CCNJL: variants seen among roughly 807,000 people sequenced by gnomAD.
CCNJL encodes cyclin J like.
In CCNJL, 33 loss-of-function variants were observed where a neutral mutation model predicts 33.4. The observed-to-expected ratio is 0.99, with a 90% CI of 0.75 to 1.32. The LOEUF (loss-of-function observed/expected upper bound fraction) is 1.32. Among genes scored for constraint, CCNJL ranks in the 40% most tolerant of loss-of-function variants. CCNJL has a pLI of 0.00. For missense variants in CCNJL, 512 were observed against 499.7 expected (o/e 1.02, Z -0.23); for synonymous variants, 227 against 220.9 (o/e 1.03, Z -0.24).
At chr5:160,271,021 T>A (rs531824493) in intron 3 of CCNJL, among the ~76,000 whole-genome samples, 1 of 152,328 alleles carries the variant, frequency 6.6e-6, no homozygotes, top group South Asian at 2.1e-4. Context: ...GACACCACAA[T>A]GCTTGTAATT....
intron 4 of CCNJL, chr5:160,258,477 C>T: frequency 8.1e-7 from 1 of 1,232,290 alleles, no homozygotes; most frequent in Non-Finnish European, 1.2e-6. Flanking sequence ...AGCATCAGAT[C>T]TTGCCTAAAG....
chr5:160,289,369 G>C (rs1167669454), intron 2 of CCNJL, among the ~76,000 whole-genome samples: 9 of 152,126 alleles, frequency 5.9e-5, no homozygotes, highest in Admixed American at 5.9e-4. Flanking sequence ...TACATGGAGA[G>C]TGTTTTGAGG....
Position 160,259,599 on chromosome 5 carries a change from C to A in CCNJL, c.453G>T (p.Leu151=), listed in dbSNP as rs1761228364. ...TGACGGAGGCCAAGAGGTAGTAGTC[C>A]AGGAAGTGGGCAGGCGTGGGCAGGC... ...NLCLPTPAHF[L]DYYLLASVSQ... Residue 151 remains leucine, a synonymous_variant, in exon 4 of 6, where the codon CTG becomes CTT. Coordinates refer to ENST00000257536, the MANE Select transcript of CCNJL (RefSeq NM_001308173.3). The A allele has an allele frequency of 1.9e-6, 3 of 1,614,022 alleles. No individual in the cohort carries two copies. The highest frequency in any genetic ancestry group is 1.7e-6 in the Non-Finnish European group (2 of 1,180,042).
chr5:160,254,569 G>T (rs1333505673), intron 5 of CCNJL: 6 of 401,424 alleles, frequency 1.5e-5, no homozygotes, highest in Non-Finnish European at 2.6e-5. Flanking sequence ...CTCTCTTCAG[G>T]GGTCTAAGGG....
intron 3 of CCNJL, among the ~76,000 whole-genome samples, chr5:160,272,702 A>G (rs4921273): frequency 1.3e-5 from 2 of 152,116 alleles, no homozygotes; most frequent in Non-Finnish European, 2.9e-5. Flanking sequence ...GCTCCCACAA[A>G]TGAAGTCAAA....
At chr5:160,314,021 T>G (rs1763347086), upstream of CCNJL, among the ~76,000 whole-genome samples, 1 of 152,042 alleles carries the variant, frequency 6.6e-6, no homozygotes, top group Admixed American at 6.5e-5. Context: ...TACAAAAAAT[T>G]AGCCGAGTGT....
intron 2 of CCNJL, among the ~76,000 whole-genome samples, chr5:160,307,977 G>C (rs555263546): frequency 2.7e-4 from 41 of 152,272 alleles, no homozygotes; most frequent in African/African-American, 7.5e-4. Flanking sequence ...TCTCACTCCT[G>C]GTTCCCAGCC....
At chr5:160,280,471 A>C (rs960413113) in intron 3 of CCNJL, 54 bp downstream of exon 3, 4 of 1,393,226 alleles carry the variant, frequency 2.9e-6, no homozygotes, top group Admixed American at 1.7e-5. Flanking sequence ...AGCCAGGCGC[A>C]CTGAGCGGGA....
intron 1 of CCNJL, among the ~76,000 whole-genome samples, chr5:160,334,084 C>A (rs533418363): frequency 6.6e-6 from 1 of 152,324 alleles, no homozygotes; most frequent in South Asian, 2.1e-4. Context: ...TCAGGAATCG[C>A]ATGCTGTGAC....
chr5:160,322,800 T>C (rs969077294), intron 1 of CCNJL, among the ~76,000 whole-genome samples: 13 of 151,196 alleles, frequency 8.6e-5, no homozygotes, highest in African/African-American at 3.2e-4. Flanking sequence ...TCCCAGCTAC[T>C]TGGGAGGCTG....
intron 3 of CCNJL, among the ~76,000 whole-genome samples, chr5:160,273,125 G>A (rs1445221574): frequency 6.6e-6 from 1 of 152,186 alleles, no homozygotes; most frequent in Admixed American, 6.5e-5. Flanking sequence ...ATTCATGTCA[G>A]TTATGCTCTA....
intron 3 of CCNJL, among the ~76,000 whole-genome samples, chr5:160,272,533 G>T (rs926674872): frequency 2.4e-4 from 37 of 152,346 alleles, no homozygotes; most frequent in African/African-American, 8.4e-4. Flanking sequence ...GAGCACAGAA[G>T]AGAAGCCCCA....
At chr5:160,322,041 TG>T (rs1244583357) in intron 1 of CCNJL, among the ~76,000 whole-genome samples, 3 of 152,002 alleles carry the variant, frequency 2.0e-5, no homozygotes, top group Non-Finnish European at 2.9e-5. Flanking sequence ...GGGGCTGGCT[TG>T]GGCAGGGGGA....
At chr5:160,304,629 C>T (rs1283562148) in intron 2 of CCNJL, among the ~76,000 whole-genome samples, 2 of 152,168 alleles carry the variant, frequency 1.3e-5, no homozygotes, top group African/African-American at 2.4e-5. Flanking sequence ...CGGGCAGACA[C>T]ATCCCACTGC....
chr5:160,255,634 G>A lies in CCNJL; in HGVS notation c.658C>T (p.Leu220Phe), dbSNP rs377761049. The A allele has an allele frequency of 3.1e-6, 5 of 1,613,966 alleles. No individual in the cohort carries two copies. In the African/African-American group the frequency reaches 4.0e-5, roughly 13 times the overall value. ...AGGTCTCTGGTCCAGTAGGGAGAAA[G>A]CTGCAGGCAAATCCTGGAGGCCCCA... is the stretch of plus-strand genomic sequence containing the variant. ...CVGASRICLQ[L>F]SPYWTRDLQR... Residue 220 changes from leucine (L) to phenylalanine (F), a missense_variant, in exon 5 of 6, where the codon CTT (leucine) becomes TTT (phenylalanine). Transcript: ENST00000257536.
chr5:160,313,107 T>C (rs1763330063), upstream of CCNJL, among the ~76,000 whole-genome samples: 1 of 152,212 alleles, frequency 6.6e-6, no homozygotes, highest in Non-Finnish European at 1.5e-5. Flanking sequence ...CTGGTATTAT[T>C]GTGCTCCTGC....
chr5:160,251,336 C>T lies in CCNJL; in HGVS notation c.*2042G>A, dbSNP rs1237708809. ...ATTTCCAGCCTGCTGACATGCCCCA[C>T]AAATTTTAGACCACAGCCTCTGCAA... On this transcript the variant is annotated 3_prime_UTR_variant, in exon 6 of 6. Coordinates refer to ENST00000257536, the MANE Select transcript of CCNJL (RefSeq NM_001308173.3). The T allele has an allele frequency of 6.6e-6, 1 of 152,234 alleles. No homozygotes were observed. The highest frequency in any genetic ancestry group is 1.9e-4 in the East Asian group (1 of 5,202). 9.4% of individuals were successfully genotyped at this position (152,234 alleles called of 1,614,324 possible). A position where few individuals can be genotyped will look rare whatever the true frequency, so the allele number is the denominator to read the frequency against.
chr5:160,303,536 A>C (rs1762991910), intron 2 of CCNJL, among the ~76,000 whole-genome samples: 2 of 152,126 alleles, frequency 1.3e-5, no homozygotes. Context: ...AAAAAAAAAA[A>C]AATCCAAAAT....
chr5:160,329,877 G>T (rs374663965), intron 1 of CCNJL, among the ~76,000 whole-genome samples: 1 of 152,138 alleles, frequency 6.6e-6, no homozygotes, highest in East Asian at 1.9e-4. Flanking sequence ...TTTGAGACAG[G>T]TATTGTTAGG....
Sources: gnomAD v4.1 joint callset for allele counts (sites outside exome capture counted in the v4.1 genomes callset) on GRCh38, gnomAD v4.1.1 for gene constraint, MANE v1.5 for transcripts, NCBI Gene and HGNC (gene_info 2026-07-23, HGNC 2026-07-21) for gene names.